The following CACNB2 variants were observed in gnomAD, a reference collection of about 807,000 sequenced individuals.
The protein encoded by CACNB2 is calcium voltage-gated channel auxiliary subunit beta 2.
A neutral mutation model predicts 73.3 loss-of-function variants in CACNB2; 42 were observed. The observed-to-expected ratio is 0.57, with a 90% CI of 0.45 to 0.74. The LOEUF is 0.74. Ranked by LOEUF, CACNB2 falls within the 30% of genes least tolerant of loss-of-function variation. CACNB2 has a pLI of 0.00. For missense variants in CACNB2, 940 were observed against 853.0 expected, an observed-to-expected ratio of 1.10 and a Z score of -1.27; for synonymous variants, 348 against 310.3, an observed-to-expected ratio of 1.12 and a Z score of -1.28.
At chr10:18,155,502 G>A (rs2031970982) in intron 2 of CACNB2, among the ~76,000 whole-genome samples, 1 of 152,204 alleles carries the variant, frequency 6.6e-6, no homozygotes, top group African/African-American at 2.4e-5. Context: ...AGGGAACTGA[G>A]ATTGATGTTC....
At chr10:18,235,989 T>C (rs60070848) in intron 2 of CACNB2, among the ~76,000 whole-genome samples, 19,928 of 152,084 alleles carry the variant, frequency 0.13, 3,212 homozygotes, top group African/African-American at 0.38. Context: ...TCTCTTCCTC[T>C]TGCTCCAGCC....
intron 6 of CACNB2, among the ~76,000 whole-genome samples, chr10:18,507,654 C>T (rs4402184): frequency 0.42 from 63,337 of 151,982 alleles, 13,613 homozygotes; most frequent in East Asian, 0.61. Flanking sequence ...AGCACATGAT[C>T]AGTATCTTAG....
In CACNB2 at chr10:18,541,550, G is replaced by A. The variant is rs2054068219; in HGVS notation, c.*1826G>A. 1 of 152,090 alleles carries A rather than the reference G, an allele frequency of 6.6e-6. No homozygotes were observed. The highest frequency in any genetic ancestry group is 2.4e-5 in the African/African-American group (1 of 41,394). The allele number at this position is 152,090 out of a possible 1,614,324, so 9.4% of individuals were successfully genotyped here. On this transcript the variant is annotated 3_prime_UTR_variant, in exon 14 of 14. Coordinates refer to ENST00000324631, the MANE Select transcript of CACNB2 (RefSeq NM_201596.3). ...TGTATAATTACCTAACTTCAGATCT[G>A]CACATTAACTTATTTAACAAAATAA...
At chr10:18,427,099 G>T (rs1175118054) in intron 3 of CACNB2, among the ~76,000 whole-genome samples, 1 of 151,742 alleles carries the variant, frequency 6.6e-6, no homozygotes, top group Admixed American at 6.6e-5. Context: ...GGGATTACAG[G>T]CATGCGCCAC....
At chr10:18,538,139 T>A in intron 12 of CACNB2, 41 bp from the exon 13 acceptor site, 1 of 1,607,186 alleles carries the variant, frequency 6.2e-7, no homozygotes, top group Non-Finnish European at 8.5e-7. Flanking sequence ...GGGTGAAAAC[T>A]GGGCTGGCAT....
At chr10:18,368,348 C>G (rs1213500038) in intron 2 of CACNB2, among the ~76,000 whole-genome samples, 1 of 152,132 alleles carries the variant, frequency 6.6e-6, no homozygotes, top group South Asian at 2.1e-4. Context: ...GGATATGACT[C>G]CATTCCAGTG....
At chr10:18,479,506 G>A (rs981606340) in intron 3 of CACNB2, among the ~76,000 whole-genome samples, 1 of 152,148 alleles carries the variant, frequency 6.6e-6, no homozygotes, top group South Asian at 2.1e-4. Flanking sequence ...ATTGTCTGCG[G>A]AGATAGTACA....
chr10:18,332,665 G>T (rs1256704526), intron 2 of CACNB2, among the ~76,000 whole-genome samples: 2 of 152,100 alleles, frequency 1.3e-5, no homozygotes, highest in Non-Finnish European at 2.9e-5. Context: ...GTGAGAGGGG[G>T]TATCTAAAAA....
intron 2 of CACNB2, among the ~76,000 whole-genome samples, chr10:18,382,095 T>G (rs1589195877): frequency 6.6e-6 from 1 of 152,082 alleles, no homozygotes; most frequent in Admixed American, 6.6e-5. Flanking sequence ...GGTGGACCTC[T>G]GATGTTCATG....
intron 2 of CACNB2, among the ~76,000 whole-genome samples, chr10:18,347,351 T>TTG (rs2041505653): frequency 5.1e-5 from 1 of 19,630 alleles, no homozygotes; most frequent in Non-Finnish European, 1.6e-4. Flanking sequence ...CTAATTTTTT[T>TTG]TTTTTTTTTT....
rs1421112024 is a variant in CACNB2, at chr10:18,280,057, C to A, written c.214-121867C>A. 2.0e-5 allele frequency among the ~76,000 whole-genome samples: 3 copies of A among 152,134 alleles called. No individual in the cohort carries two copies. The East Asian group carries it at 5.8e-4, about 29-fold the overall frequency. The stretch of plus-strand genomic sequence containing the variant: ...TCGCACTGCTGCACTCCAGCCTGGG[C>A]AACAGAGTGAGACTCTGTCTCAAAT... On this transcript the variant is annotated intron_variant, in intron 2 of 13. Transcript: ENST00000324631.
intron 2 of CACNB2, among the ~76,000 whole-genome samples, chr10:18,164,198 T>C (rs559306062): frequency 1.8e-4 from 28 of 152,358 alleles, no homozygotes; most frequent in African/African-American, 6.7e-4. Context: ...TCACAGGGTT[T>C]AGAGCTGCAG....
At chr10:18,325,535 CCTT>C (rs1209427527) in intron 2 of CACNB2, among the ~76,000 whole-genome samples, 2 of 150,378 alleles carry the variant, frequency 1.3e-5, no homozygotes, top group African/African-American at 4.8e-5. Flanking sequence ...TTTCTTTCTT[CCTT>C]CTTTTCTTTT....
intron 2 of CACNB2, among the ~76,000 whole-genome samples, 180 bp from the exon 3 acceptor site, chr10:18,401,744 A>G (rs1160939878): frequency 6.6e-6 from 1 of 152,206 alleles, no homozygotes; most frequent in Non-Finnish European, 1.5e-5. Context: ...CAACTATTCT[A>G]TTGAATGTCT....
intron 2 of CACNB2, among the ~76,000 whole-genome samples, chr10:18,205,769 G>A (rs1016041450): frequency 6.6e-6 from 1 of 152,086 alleles, no homozygotes; most frequent in African/African-American, 2.4e-5. Context: ...GTGTTTCAAT[G>A]TTCCCTGCTC....
chr10:18,409,031 AT>A (rs112797625), intron 3 of CACNB2, among the ~76,000 whole-genome samples: 9,792 of 151,584 alleles, frequency 0.065, 840 homozygotes, highest in African/African-American at 0.18. Context: ...ATTTTTTAAA[AT>A]TTTTTTTGTA....
Position 18,246,605 on chromosome 10 carries a change from G to A in CACNB2, c.213+95630G>A, listed in dbSNP as rs530600310. 9.4e-4 allele frequency among the ~76,000 whole-genome samples: 143 copies of A among 152,114 alleles called. 1 individual carries two copies. The highest frequency in any genetic ancestry group is 3.4e-3 in the Middle Eastern group (1 of 294). ...ATTTATTTGTTTGTGTTTACAGTCA[G>A]GGTCTCACTCTGTCATACAGGCTGG... On this transcript the variant is annotated intron_variant, in intron 2 of 13. Transcript: ENST00000324631.
chr10:18,275,930 G>A (rs919151322), intron 2 of CACNB2, among the ~76,000 whole-genome samples: 3 of 152,152 alleles, frequency 2.0e-5, no homozygotes, highest in African/African-American at 7.2e-5. Context: ...TTCAAAATAC[G>A]TTACTTAATT....
chr10:18,502,555 G>C (rs981307768), intron 5 of CACNB2, among the ~76,000 whole-genome samples: 4 of 151,440 alleles, frequency 2.6e-5, no homozygotes, highest in Non-Finnish European at 4.4e-5. Context: ...GCTGGGTATG[G>C]TGGTGTGTGC....
Sources: allele counts gnomAD v4.1 joint callset (sites outside exome capture counted in the v4.1 genomes callset), GRCh38; gene constraint gnomAD v4.1.1; transcripts MANE v1.5; gene names NCBI Gene and HGNC (gene_info 2026-07-23, HGNC 2026-07-21).